Variants in CAPN12 observed in about 807,000 individuals in gnomAD.
The protein encoded by CAPN12 is calpain-12.
CAPN12 carries 107 observed loss-of-function variants against 95.0 expected under a neutral mutation model. The ratio of observed to expected loss-of-function variants is 1.13; its 90% CI spans 0.96 to 1.32. The LOEUF (loss-of-function observed/expected upper bound fraction) is 1.32, where lower values mean the gene tolerates loss of function less well. CAPN12 is among the 40% of genes most tolerant of loss of function. CAPN12 has a pLI of 0.00. For synonymous variants in CAPN12, 505 were observed against 415.5 expected (o/e 1.22, Z -2.62); for missense variants, 1,136 against 997.8 (o/e 1.14, Z -1.87).
At chr19:38,740,817 T>A (rs1377364544) in intron 4 of CAPN12, among the ~76,000 whole-genome samples, 2 of 150,174 alleles carry the variant, frequency 1.3e-5, no homozygotes, top group African/African-American at 2.4e-5. Context: ...AAAAAAAAAA[T>A]TCAGACTCTT....
chr19:38,736,112 G>T lies in CAPN12; in HGVS notation c.1581C>A (p.Ala527=). 1 of 1,498,654 alleles carries T rather than the reference G, an allele frequency of 6.7e-7. No homozygotes were observed. The highest frequency in any genetic ancestry group is 8.9e-7 in the Non-Finnish European group (1 of 1,127,466). 92.8% of individuals were successfully genotyped at this position (1,498,654 alleles called of 1,614,324 possible). The change falls in exon 12 of 21, where the codon GCC becomes GCA. Residue 527 remains alanine (A), a splice_region_variant and synonymous_variant. Coordinates refer to ENST00000328867, the MANE Select transcript of CAPN12 (RefSeq NM_144691.4). ...LRVFSERRHT[A]VEIDDVISAD... ...GGATTTGGGTGCCCGGGGCTCACACGGCCGTGTGGCGGCGCTCGGAGAAGA... is the reference window on the plus strand; with the variant it reads ...GGATTTGGGTGCCCGGGGCTCACACTGCCGTGTGGCGGCGCTCGGAGAAGA...
chr19:38,731,484 G>C, intron 18 of CAPN12: 1 of 536,886 alleles, frequency 1.9e-6, no homozygotes, highest in South Asian at 2.1e-5. Context: ...CACGTGACTC[G>C]ATGTGTGGGT....
rs924560365 is a variant in CAPN12, at chr19:38,730,682, T to G, written c.*170A>C. 3 of 714,676 alleles carry G rather than the reference T, an allele frequency of 4.2e-6. No homozygotes were observed. The highest frequency in any genetic ancestry group is 2.4e-5 in the Admixed American group (1 of 40,886). 44.3% of individuals were successfully genotyped at this position (714,676 alleles called of 1,614,324 possible). A position where few individuals can be genotyped will look rare whatever the true frequency, so the allele number is the denominator to read the frequency against. ...GGCTGTCGCTGTTCTTGTTTCTGAG[T>G]GAGGAGTACGCAGGCCAGAGTGGTC... On this transcript the variant is annotated 3_prime_UTR_variant, in exon 21 of 21. Coordinates refer to ENST00000328867, the MANE Select transcript of CAPN12 (RefSeq NM_144691.4).
intron 4 of CAPN12, 94 bp downstream of exon 4, chr19:38,741,682 AG>A (rs751471440): frequency 4.0e-5 from 58 of 1,465,722 alleles, no homozygotes; most frequent in Non-Finnish European, 5.0e-5. Flanking sequence ...GGGTGTTTGG[AG>A]GATTGCAGAG....
chr19:38,736,220 G>A lies in CAPN12; in HGVS notation c.1473C>T (p.Arg491=), dbSNP rs1390760425. The change falls in exon 12 of 21, where the codon CGC becomes CGT. Residue 491 remains arginine (R), a synonymous_variant. Transcript: ENST00000328867. The stretch of plus-strand genomic sequence containing the variant: ...AGTGGCCTGGACGCAGGCAGCAGCG[G>A]CGGGTCACGTCGCGGCGGGCGCTGA... ...SPLSARRDVT[R]RCCLRPGHYL... 6.7e-6 allele frequency: 10 copies of A among 1,501,252 alleles called. No individual in the cohort carries two copies. Among genetic ancestry groups the A allele is most frequent in the African/African-American group, 1.5e-5 (1 of 68,754 alleles). The allele number at this position is 1,501,252 out of a possible 1,614,324, so 93.0% of individuals were successfully genotyped here.
At chr19:38,731,503 T>TCCTTAAATCC in intron 18 of CAPN12, 1 of 493,544 alleles carries the variant, frequency 2.0e-6, no homozygotes, top group Non-Finnish European at 3.7e-6. Flanking sequence ...GTACTGTTAC[T>TCCTTAAATCC]CCTTAAATCC....
In CAPN12 at chr19:38,731,188, T is replaced by C. The variant is rs200530826; in HGVS notation, c.1993A>G (p.Thr665Ala). 1 of 1,601,228 alleles carries C rather than the reference T, an allele frequency of 6.2e-7. No individual in the cohort carries two copies. The highest frequency in any genetic ancestry group is 2.3e-5 in the East Asian group (1 of 43,856). ...AGACGGCTATCCCGGTAGCGGCTGG[T>C]GAGGGTCTGGGTCAGCTGGTTGTTC... is the stretch of plus-strand genomic sequence containing the variant. ...HLNNQLTQTLTSRYRDSRLRV... is the reference protein window; with the variant it reads ...HLNNQLTQTLASRYRDSRLRV... The change falls in exon 19 of 21, where the codon ACC (threonine) becomes GCC (alanine). Residue 665 changes from threonine (T) to alanine (A), a missense_variant. By Grantham distance (58) the Thr-to-Ala change is moderately conservative. Coordinates refer to ENST00000328867, the MANE Select transcript of CAPN12 (RefSeq NM_144691.4).
At chr19:38,740,353 T>C in intron 4 of CAPN12, 134 bp from the exon 5 acceptor site, 3 of 994,424 alleles carry the variant, frequency 3.0e-6, no homozygotes, top group Non-Finnish European at 4.3e-6. Context: ...TGAGACTTTT[T>C]CCAGGGTCAC....
Position 38,737,147 on chromosome 19 carries a change from G to C in CAPN12, c.1362+9C>G, listed in dbSNP as rs1009869186. 1 of 1,376,018 alleles carries C rather than the reference G, an allele frequency of 7.3e-7. No individual in the cohort carries two copies. The highest frequency in any genetic ancestry group is 1.6e-5 in the African/African-American group (1 of 64,294). 85.2% of individuals were successfully genotyped at this position (1,376,018 alleles called of 1,614,324 possible). ...TTCCCTCCAGCCTCAGCTTTGCCCA[G>C]GACCTCACCTGGAACACGTGGAAGC... On this transcript the variant is annotated intron_variant, in intron 10 of 20. Transcript: ENST00000328867.
chr19:38,735,174 G>A (rs1969931060), intron 14 of CAPN12, 196 bp downstream of exon 14: 1 of 617,394 alleles, frequency 1.6e-6, no homozygotes, highest in East Asian at 2.8e-5. Context: ...GTGGTCCTGG[G>A]AGAGGGTATG....
intron 3 of CAPN12, 85 bp from the exon 4 acceptor site, chr19:38,741,995 T>C: frequency 6.5e-6 from 10 of 1,548,846 alleles, no homozygotes; most frequent in Non-Finnish European, 8.7e-6. Context: ...AGTCCCAGAG[T>C]CAGGAATTAC....
At chr19:38,733,852 A>G in intron 17 of CAPN12, 71 bp from the exon 18 acceptor site, 1 of 1,312,984 alleles carries the variant, frequency 7.6e-7, no homozygotes, top group Non-Finnish European at 1.1e-6. Flanking sequence ...CCTCCCAGGC[A>G]AGACAGCCTG....
chr19:38,736,327 G>A lies in CAPN12; in HGVS notation c.1375-9C>T, dbSNP rs917574049. The A allele has an allele frequency of 2.8e-6, 4 of 1,447,242 alleles. No homozygotes were observed. Among genetic ancestry groups the A allele is most frequent in the South Asian group, 2.9e-5 (2 of 68,472 alleles). The allele number at this position is 1,447,242 out of a possible 1,614,324, so 89.7% of individuals were successfully genotyped here. On this transcript the variant is annotated splice_polypyrimidine_tract_variant and intron_variant, in intron 11 of 20. Transcript: ENST00000328867. ...TCCCAGAGGCCCAGCAGCTGGGGAC[G>A]GGGCGGCATGACCACGGACCAGGCT...
rs1457721336 is a variant in CAPN12, at chr19:38,743,958, C to A, written c.208G>T (p.Ala70Ser). 1 of 1,614,228 alleles carries A rather than the reference C, an allele frequency of 6.2e-7. No homozygotes were observed. Among genetic ancestry groups the A allele is most frequent in the Non-Finnish European group, 8.5e-7 (1 of 1,180,030 alleles). The change falls in exon 1 of 21, where the codon GCC (alanine) becomes TCC (serine). Residue 70 changes from alanine to serine, a missense_variant. Coordinates refer to ENST00000328867, the MANE Select transcript of CAPN12 (RefSeq NM_144691.4). ...YDQLGPDSEK[A>S]KGVKWMRPHE... ...GGCCTCATCCATTTCACGCCTTTGGCCTTCTCCGAGTCCGGCCCCAGCTGG... is the reference window on the plus strand; with the variant it reads ...GGCCTCATCCATTTCACGCCTTTGGACTTCTCCGAGTCCGGCCCCAGCTGG...
In CAPN12 at chr19:38,744,008, G is replaced by A. The variant is rs770387456; in HGVS notation, c.158C>T (p.Ala53Val). The change falls in exon 1 of 21, where the codon GCT becomes GTT. Residue 53 changes from alanine to valine, a missense_variant. Transcript: ENST00000328867. The stretch of plus-strand genomic sequence containing the variant: ...GTCATAGCCAAGGGCATCAGGGCCA[G>A]CAGGGAAGTAAGGGTCGCGGAACAG... ...GILFRDPYFPAGPDALGYDQL... is the reference protein window; with the variant it reads ...GILFRDPYFPVGPDALGYDQL... 4 of 1,614,258 alleles carry A rather than the reference G, an allele frequency of 2.5e-6. No homozygotes were observed. Among genetic ancestry groups the A allele is most frequent in the Non-Finnish European group, 2.5e-6 (3 of 1,180,048 alleles).
chr19:38,740,069 G>A lies in CAPN12; in HGVS notation c.711C>T (p.Leu237=), dbSNP rs199530993. The A allele has an allele frequency of 2.3e-5, 37 of 1,598,122 alleles. No homozygotes were observed. Among genetic ancestry groups the A allele is most frequent in the Non-Finnish European group, 2.5e-5 (29 of 1,171,046 alleles). ...CTCTTACCAGGGCAGTGGCGCCCAC[G>A]AGGGACTCCTTGGCCAGGGCATGGC... ...ALRHALAKES[L]VGATALSDRG... Residue 237 remains leucine, a synonymous_variant, in exon 5 of 21, where the codon CTC becomes CTT. Transcript: ENST00000328867.
chr19:38,735,009 C>A (rs1969916360), intron 14 of CAPN12, 139 bp from the exon 15 acceptor site: 2 of 737,526 alleles, frequency 2.7e-6, no homozygotes. Context: ...CCTGTCCCCA[C>A]AGGGCCAGGG....
intron 18 of CAPN12, chr19:38,733,095 T>TG (rs547948198): frequency 0.32 from 48,230 of 148,982 alleles, 9,764 homozygotes; most frequent in Non-Finnish European, 0.46. Flanking sequence ...CACCACCCTG[T>TG]GTACTAGCTT....
At chr19:38,742,020 G>A (rs966334812) in intron 3 of CAPN12, 110 bp from the exon 4 acceptor site, 8 of 1,465,110 alleles carry the variant, frequency 5.5e-6, no homozygotes, top group South Asian at 1.3e-5. Context: ...CCAAGTCAAC[G>A]TTAACTATGA....
Sources: allele counts gnomAD v4.1 joint callset (sites outside exome capture counted in the v4.1 genomes callset), GRCh38; gene constraint gnomAD v4.1.1; transcripts MANE v1.5; gene names NCBI Gene and HGNC (gene_info 2026-07-23, HGNC 2026-07-21).